Variants in PFKFB3 observed in about 807,000 individuals in gnomAD.
PFKFB3 encodes the protein 6-phosphofructo-2-kinase/fructose-2,6-biphosphatase 3, also known as 6-phosphofructo-2-kinase/fructose-2,6-bisphosphatase 3.
A neutral mutation model predicts 68.0 loss-of-function variants in PFKFB3; 33 were observed. The ratio of observed to expected loss-of-function variants is 0.49; its 90% CI spans 0.37 to 0.65. The LOEUF (loss-of-function observed/expected upper bound fraction) is 0.65. Ranked by LOEUF, PFKFB3 falls within the 30% of genes least tolerant of loss-of-function variation. The probability of loss-of-function intolerance (pLI) is 0.00; values close to 1 mark genes in which losing one functional copy is unlikely to be tolerated. For synonymous variants in PFKFB3, 315 were observed against 288.2 expected (o/e 1.09, Z -0.94); for missense variants, 586 against 712.2 (o/e 0.82, Z 2.02).
chr10:6,286,989 G>A, the PFKFB3 span, among the ~76,000 whole-genome samples: 4 of 152,208 alleles, frequency 2.6e-5, no homozygotes, highest in East Asian at 1.9e-4. Context: ...GAACAACTTC[G>A]CAGGTAGTGC....
At chr10:6,308,603 A>G in the PFKFB3 span, among the ~76,000 whole-genome samples, 5 of 152,268 alleles carry the variant, frequency 3.3e-5, no homozygotes, top group African/African-American at 1.2e-4. Flanking sequence ...GACTCCTTTA[A>G]TTTATTCAGA....
At chr10:6,161,456 T>A (rs888451615) in intron 1 of PFKFB3, among the ~76,000 whole-genome samples, 1 of 152,140 alleles carries the variant, frequency 6.6e-6, no homozygotes, top group African/African-American at 2.4e-5. Flanking sequence ...GAATAAAATA[T>A]CCTGTTCCCA....
chr10:6,211,208 ATTG>A (rs58626518), intron 1 of PFKFB3, among the ~76,000 whole-genome samples: 144,299 of 152,154 alleles, frequency 0.95, 68,890 homozygotes, highest in East Asian at 1. Flanking sequence ...TGCTGTCTTT[ATTG>A]TTGTTATTGT....
At position 6,249,194 on chromosome 10, in the gene PFKFB3, AAAAAAAAAAG is replaced by A. The variant is rs1420377957; in HGVS notation, c.1516-4979_1516-4970del. ...CGTCTCAATTAAAAAAAAAAAAAAA[AAAAAAAAAAG>A]AAAAGAAAAGGAAACCCTTGTACAC... On this transcript the variant is annotated intron_variant, in intron 14 of 14. Transcript: ENST00000640683. Among the ~76,000 whole-genome samples the A allele has an allele frequency of 8.0e-3, 1,204 of 150,728 alleles. 33 individuals carry two copies. The East Asian group carries it at 0.12, about 15-fold the overall frequency.
chr10:6,326,434 C>T, the PFKFB3 span: 1 of 418,808 alleles, frequency 2.4e-6, no homozygotes, highest in Non-Finnish European at 4.8e-6. Flanking sequence ...CACATGTACC[C>T]CAGAACTTAA....
At chr10:6,247,500 A>AG (rs1319545160) in intron 14 of PFKFB3, among the ~76,000 whole-genome samples, 7 of 152,232 alleles carry the variant, frequency 4.6e-5, no homozygotes, top group African/African-American at 1.7e-4. Flanking sequence ...GGCCAAACAA[A>AG]GGAAAAATAC....
rs1845068640 is a variant in PFKFB3 at position 6,222,911 on chromosome 10, G to C, written c.1140G>C (p.Gln380His). 1 of 1,613,884 alleles carries C rather than the reference G, an allele frequency of 6.2e-7. No individual in the cohort carries two copies. Among genetic ancestry groups the C allele is most frequent in the African/African-American group, 1.3e-5 (1 of 74,934 alleles). Reference protein sequence around the residue: ...LEPVIMELERQENVLVICHQA... With the variant: ...LEPVIMELERHENVLVICHQA... ...CAGTGATCATGGAGCTGGAGCGGCA[G>C]GAGAATGTGCTGGTCATCTGCCACC... The change falls in exon 11 of 15, where the codon CAG (glutamine) becomes CAC (histidine). Residue 380 changes from glutamine to histidine, a missense_variant. Coordinates refer to ENST00000379775, the MANE Select transcript of PFKFB3 (RefSeq NM_004566.4).
intron 1 of PFKFB3, among the ~76,000 whole-genome samples, chr10:6,164,257 C>T (rs1196574534): frequency 6.6e-6 from 1 of 152,078 alleles, no homozygotes; most frequent in Non-Finnish European, 1.5e-5. Context: ...CGCTCCTAGC[C>T]CCCAGTGTGG....
intron 14 of PFKFB3, among the ~76,000 whole-genome samples, chr10:6,227,113 C>T (rs78779829): frequency 4.0e-4 from 61 of 152,030 alleles, no homozygotes; most frequent in Non-Finnish European, 6.9e-4. Context: ...AACCCCAACC[C>T]GATTTCACTT....
At chr10:6,294,266 G>A in the PFKFB3 span, 4 of 526,162 alleles carry the variant, frequency 7.6e-6, no homozygotes, top group East Asian at 1.1e-4. Flanking sequence ...CAAAAGCAGT[G>A]TATTAATCTG....
the PFKFB3 span, among the ~76,000 whole-genome samples, chr10:6,313,976 G>A: frequency 1.3e-5 from 2 of 152,232 alleles, no homozygotes; most frequent in Non-Finnish European, 2.9e-5. This position sits in a 1 kb window ranked among gnomAD's most constrained non-coding sequence, Gnocchi z 4.2. Flanking sequence ...GCAGGCAGGG[G>A]ACAGGTATGG....
At chr10:6,202,252 C>T (rs1187157529), upstream of PFKFB3, among the ~76,000 whole-genome samples, 1 of 152,220 alleles carries the variant, frequency 6.6e-6, no homozygotes, top group Non-Finnish European at 1.5e-5. Context: ...TCAAGGTTCC[C>T]AGTCTTTGGG....
chr10:6,175,325 G>A (rs1321687041), intron 1 of PFKFB3, among the ~76,000 whole-genome samples: 4 of 152,204 alleles, frequency 2.6e-5, no homozygotes, highest in East Asian at 1.9e-4. Context: ...GCACTTTGGG[G>A]CACTTTCAGG....
downstream of PFKFB3, among the ~76,000 whole-genome samples, chr10:6,256,388 A>T (rs528459726): frequency 3.9e-4 from 59 of 152,320 alleles, no homozygotes; most frequent in Admixed American, 9.1e-4. Flanking sequence ...ATGGAAAAAG[A>T]AAAAAGGATG....
chr10:6,183,614 A>ATATATAT (rs1554843857), intron 1 of PFKFB3, among the ~76,000 whole-genome samples: 2 of 93,944 alleles, frequency 2.1e-5, no homozygotes, highest in African/African-American at 6.8e-5. Flanking sequence ...AAAAAAAAAA[A>ATATATAT]ATATATATAT....
At chr10:6,250,982 C>A (rs1031981285) in intron 14 of PFKFB3, among the ~76,000 whole-genome samples, 3 of 152,162 alleles carry the variant, frequency 2.0e-5, no homozygotes, top group Admixed American at 2.0e-4. Context: ...GAGGTCTGAG[C>A]CTTACCCCAC....
intron 14 of PFKFB3, chr10:6,231,404 C>G: frequency 6.3e-7 from 1 of 1,585,696 alleles, no homozygotes; most frequent in Non-Finnish European, 8.6e-7. Flanking sequence ...ATGCGGGGCT[C>G]ATCTGTCTCC....
chr10:6,270,148 A>G, the PFKFB3 span, among the ~76,000 whole-genome samples: 3 of 152,104 alleles, frequency 2.0e-5, no homozygotes, highest in African/African-American at 7.2e-5. Context: ...ACAAACAAAC[A>G]AAACAAAACA....
chr10:6,195,048 T>C (rs1274961747), intron 1 of PFKFB3, among the ~76,000 whole-genome samples: 1 of 152,030 alleles, frequency 6.6e-6, no homozygotes, highest in African/African-American at 2.4e-5. Flanking sequence ...AATTTTTGTA[T>C]TTTTATAGAG....
Sources: allele counts gnomAD v4.1 joint callset (sites outside exome capture counted in the v4.1 genomes callset), GRCh38; gene constraint gnomAD v4.1.1; non-coding constraint Gnocchi (gnomAD v3.1); transcripts MANE v1.5; gene names NCBI Gene and HGNC (gene_info 2026-07-23, HGNC 2026-07-21).